The following USP36 variants were observed in gnomAD, a reference collection of about 807,000 sequenced individuals.
USP36 encodes ubiquitin carboxyl-terminal hydrolase 36.
A neutral mutation model predicts 111.5 loss-of-function variants in USP36; 59 were observed. The observed-to-expected ratio is 0.53, with a 90% CI of 0.43 to 0.66. USP36 has a LOEUF of 0.66. USP36 is among the 30% of genes least tolerant of loss of function. The probability of loss-of-function intolerance (pLI) is 0.00; values close to 1 mark genes in which losing one functional copy is unlikely to be tolerated. For synonymous variants in USP36, 628 were observed against 581.0 expected (o/e 1.08, Z -1.16); for missense variants, 1,488 against 1,468.0 (o/e 1.01, Z -0.22).
downstream of USP36, among the ~76,000 whole-genome samples, chr17:78,792,882 A>AT (rs1291034908): frequency 6.6e-6 from 1 of 151,972 alleles, no homozygotes; most frequent in African/African-American, 2.4e-5. Flanking sequence ...AGCCCAGCTA[A>AT]TTTTTGTATT....
intron 17 of USP36, 52 bp from the exon 18 acceptor site, chr17:78,799,820 G>A: frequency 1.4e-6 from 2 of 1,406,362 alleles, no homozygotes; most frequent in South Asian, 2.6e-5. Flanking sequence ...ATAACCCACT[G>A]GGGAAGCAAT....
chr17:78,830,049 T>C (rs2067945467), intron 4 of USP36, among the ~76,000 whole-genome samples: 1 of 152,206 alleles, frequency 6.6e-6, no homozygotes. Flanking sequence ...CCGACAGTGG[T>C]ACATTTTTAC....
Position 78,812,929 on chromosome 17 carries a change from C to T in USP36, c.1338G>A (p.Pro446=), listed in dbSNP as rs201768892. ...RTGSSSLPGR[P]SVIPDHSKKN... ...TCTTGGAGTGATCTGGAATCACACTCGGGCGGCCGGGAAGGGAGGAGGAGC... is the reference window on the plus strand; with the variant it reads ...TCTTGGAGTGATCTGGAATCACACTTGGGCGGCCGGGAAGGGAGGAGGAGC... The change falls in exon 13 of 21, where the codon CCG becomes CCA. Residue 446 remains proline (P), a synonymous_variant. Coordinates refer to ENST00000449938, the MANE Select transcript of USP36 (RefSeq NM_001385174.1). The T allele has an allele frequency of 5.6e-5, 91 of 1,613,906 alleles. No homozygotes were observed. The African/African-American group carries it at 8.3e-4, about 15-fold the overall frequency.
At chr17:78,825,328 A>C (rs2067440635) in intron 6 of USP36, among the ~76,000 whole-genome samples, 1 of 152,162 alleles carries the variant, frequency 6.6e-6, no homozygotes, top group South Asian at 2.1e-4. Context: ...TCATCTACAG[A>C]AGCAAAAGAC....
chr17:78,803,978 C>A lies in USP36; in HGVS notation c.2217G>T (p.Arg739Ser). Residue 739 changes from arginine to serine, a missense_variant and splice_region_variant, in exon 16 of 21, where the codon AGG becomes AGT. Around this residue, in one of 3 missense-constraint regions of USP36, gnomAD observed 1,073 missense variants for 994.1 expected, o/e 1.08. Coordinates refer to ENST00000449938, the MANE Select transcript of USP36 (RefSeq NM_001385174.1). The surrounding 1 kb of genome is among the most constrained non-coding windows in gnomAD (Gnocchi z 4.6). ...VASTWPVHRA[R>S]AVSPAPQSSS... ...ATGATTGGGGAGCAGGTGACACAGC[C>A]CTGTGGGGACAGCCAGGAAACAGGG... 6.3e-7 allele frequency: 1 copy of A among 1,578,460 alleles called. No homozygotes were observed.
chr17:78,827,089 A>G, intron 6 of USP36, 156 bp downstream of exon 6: 1 of 812,604 alleles, frequency 1.2e-6, no homozygotes, highest in Non-Finnish European at 2.1e-6. Context: ...TTTGGGCTCC[A>G]ACAGTTTGAG....
Position 78,803,161 on chromosome 17 carries a change from T to G in USP36, c.2810+224A>C, listed in dbSNP as rs961502902. ...CATATTGCCTAGGCTGGTCTCAAAC[T>G]CCTGGGTTGAAGTGATCCACCCGCC... On this transcript the variant is annotated intron_variant, in intron 16 of 20. Transcript: ENST00000449938. This position sits in a 1 kb window ranked among gnomAD's most constrained non-coding sequence, Gnocchi z 4.6. 1.3e-5 allele frequency among the ~76,000 whole-genome samples: 2 copies of G among 152,002 alleles called. No individual in the cohort carries two copies. Among genetic ancestry groups the G allele is most frequent in the African/African-American group, 4.8e-5 (2 of 41,374 alleles).
intron 2 of USP36, among the ~76,000 whole-genome samples, chr17:78,836,824 GACACACAC>G (rs759552605): frequency 2.4e-5 from 3 of 122,476 alleles, no homozygotes; most frequent in African/African-American, 9.0e-5. Flanking sequence ...CACACAAACG[GACACACAC>G]ACACACACCC....
At position 78,803,298 on chromosome 17, in the gene USP36, A is replaced by G; in HGVS notation, c.2810+87T>C. ...AACCACGCAAGCAGACTACGTTTCC[A>G]GACCATACCTACTTGGGGGTAGATT... On this transcript the variant is annotated intron_variant, in intron 16 of 20. Coordinates refer to ENST00000449938, the MANE Select transcript of USP36 (RefSeq NM_001385174.1). This position sits in a 1 kb window ranked among gnomAD's most constrained non-coding sequence, Gnocchi z 4.6. The G allele has an allele frequency of 7.0e-7, 1 of 1,430,980 alleles. No homozygotes were observed. The highest frequency in any genetic ancestry group is 9.6e-7 in the Non-Finnish European group (1 of 1,044,322). The allele number at this position is 1,430,980 out of a possible 1,614,324, so 88.6% of individuals were successfully genotyped here.
chr17:78,808,671 T>C lies in USP36; in HGVS notation c.1408-1035A>G, dbSNP rs555538154. ...TGTTGAAATTAAAAATACTGTACAGTATATGTGTGTGTATCCTTTACCCTT... is the reference window on the plus strand; with the variant it reads ...TGTTGAAATTAAAAATACTGTACAGCATATGTGTGTGTATCCTTTACCCTT... On this transcript the variant is annotated intron_variant, in intron 13 of 20. Coordinates refer to ENST00000449938, the MANE Select transcript of USP36 (RefSeq NM_001385174.1). Among the ~76,000 whole-genome samples, 3 of 152,286 alleles carry C rather than the reference T, an allele frequency of 2.0e-5. No homozygotes were observed. The South Asian group carries it at 6.2e-4, about 32-fold the overall frequency.
intron 13 of USP36, among the ~76,000 whole-genome samples, chr17:78,810,932 G>C (rs1311863108): frequency 6.6e-6 from 1 of 151,896 alleles, no homozygotes; most frequent in Non-Finnish European, 1.5e-5. Flanking sequence ...TGGCCAACAT[G>C]GTGAAACCCC....
At chr17:78,811,130 C>CA (rs969048033) in intron 13 of USP36, among the ~76,000 whole-genome samples, 4,396 of 27,656 alleles carry the variant, frequency 0.16, 358 homozygotes, top group African/African-American at 0.19. Context: ...GACTCTGTCT[C>CA]AAAAAAAAAA....
At chr17:78,802,566 C>G in intron 16 of USP36, 31 bp from the exon 17 acceptor site, 1 of 1,583,514 alleles carries the variant, frequency 6.3e-7, no homozygotes, top group Non-Finnish European at 8.6e-7. Flanking sequence ...GCAGTCAGCT[C>G]TGAGCAAATT....
At chr17:78,799,106 T>C in intron 18 of USP36, 83 bp from the exon 19 acceptor site, 1 of 1,318,584 alleles carries the variant, frequency 7.6e-7, no homozygotes, top group East Asian at 2.3e-5. Flanking sequence ...ATTTACCAAC[T>C]AGTCTACTCA....
intron 13 of USP36, among the ~76,000 whole-genome samples, chr17:78,808,520 G>A (rs1020046530): frequency 1.3e-5 from 2 of 152,154 alleles, no homozygotes; most frequent in Non-Finnish European, 2.9e-5. Context: ...CAAAGTGCTG[G>A]GATTACAGGC....
At position 78,818,661 on chromosome 17, in the gene USP36, G is replaced by A. The variant is rs372088433; in HGVS notation, c.1023+6C>T. ...AGCTGCCTGGGATGGTGTCACGAGC[G>A]CTCACCTTGGTGATCTTCCCCCCGC... On this transcript the variant is annotated splice_donor_region_variant and intron_variant, in intron 10 of 20. Transcript: ENST00000449938. 23 of 1,612,860 alleles carry A rather than the reference G, an allele frequency of 1.4e-5. No homozygotes were observed. In the African/African-American group the frequency reaches 1.7e-4, roughly 12 times the overall value.
Position 78,798,839 on chromosome 17 carries a change from T to A in USP36, c.3240+69A>T. The A allele has an allele frequency of 6.4e-7, 1 of 1,572,506 alleles. No individual in the cohort carries two copies. Among genetic ancestry groups the A allele is most frequent in the South Asian group, 1.1e-5 (1 of 89,752 alleles). On this transcript the variant is annotated intron_variant, in intron 19 of 20. Coordinates refer to ENST00000449938, the MANE Select transcript of USP36 (RefSeq NM_001385174.1). The surrounding 1 kb of genome is among the most constrained non-coding windows in gnomAD (Gnocchi z 5.1). Reference sequence around the variant, plus strand: ...TCATGCCACTGCCGCCACCTCCAACTGCCCCGGCTCTGAGCTGAGCCACGC... The same window carrying A: ...TCATGCCACTGCCGCCACCTCCAACAGCCCCGGCTCTGAGCTGAGCCACGC...
chr17:78,839,406 T>C (rs1460951302), intron 1 of USP36, among the ~76,000 whole-genome samples: 7 of 151,892 alleles, frequency 4.6e-5, no homozygotes, highest in Non-Finnish European at 8.8e-5. Context: ...TCCCGAAAAA[T>C]GTGTAAGGAA....
At chr17:78,817,332 A>G (rs1406451422) in intron 10 of USP36, among the ~76,000 whole-genome samples, 1 of 152,248 alleles carries the variant, frequency 6.6e-6, no homozygotes, top group South Asian at 2.1e-4. Flanking sequence ...AAGAATCTGC[A>G]AACACATTTG....
Sources: gnomAD v4.1 joint callset for allele counts (sites outside exome capture counted in the v4.1 genomes callset) on GRCh38, gnomAD v4.1.1 for gene constraint, gnomAD v4.1.1 regional missense constraint, Gnocchi (gnomAD v3.1) non-coding constraint, MANE v1.5 for transcripts, NCBI Gene and HGNC (gene_info 2026-07-23, HGNC 2026-07-21) for gene names.